ADAM22: variants seen among roughly 807,000 people sequenced by gnomAD.
ADAM22 encodes ADAM metallopeptidase domain 22, also known as disintegrin and metalloproteinase domain-containing protein 22.
A neutral mutation model predicts 144.6 loss-of-function variants in ADAM22; 65 were observed. The ratio of observed to expected loss-of-function variants is 0.45; its 90% CI spans 0.37 to 0.55. The LOEUF (loss-of-function observed/expected upper bound fraction) is 0.55. Among genes scored for constraint, ADAM22 ranks in the 20% least tolerant of loss-of-function variants. The pLI is 0.00. For missense variants in ADAM22, 974 were observed against 1,184.9 expected (o/e 0.82, Z 2.61); for synonymous variants, 391 against 412.6 (o/e 0.95, Z 0.63).
intron 3 of ADAM22, among the ~76,000 whole-genome samples, chr7:88,045,308 G>C (rs372260941): frequency 1.3e-5 from 2 of 152,216 alleles, no homozygotes; most frequent in East Asian, 3.9e-4. Flanking sequence ...TTGAGCCACC[G>C]CACCAGGCCT....
At chr7:87,975,071 G>T (rs887046436) in intron 2 of ADAM22, among the ~76,000 whole-genome samples, 1 of 152,060 alleles carries the variant, frequency 6.6e-6, no homozygotes, top group Non-Finnish European at 1.5e-5. Flanking sequence ...TAACATGTTC[G>T]TAGGTTCTGG....
At chr7:88,119,131 G>A (rs1385270109) in intron 7 of ADAM22, among the ~76,000 whole-genome samples, 2 of 152,146 alleles carry the variant, frequency 1.3e-5, no homozygotes, top group Non-Finnish European at 2.9e-5. Flanking sequence ...CAGGACTAGT[G>A]TTTCTGAGAA....
At chr7:88,083,581 TTGTGTTTG>T (rs1193796665) in intron 4 of ADAM22, among the ~76,000 whole-genome samples, 1 of 125,272 alleles carries the variant, frequency 8.0e-6, no homozygotes, top group African/African-American at 3.2e-5. Context: ...TCTTTTTACT[TTGTGTTTG>T]TGTGTGTGTG....
chr7:88,191,243 C>T (rs1470329114), intron 30 of ADAM22, among the ~76,000 whole-genome samples: 2 of 152,220 alleles, frequency 1.3e-5, no homozygotes, highest in African/African-American at 2.4e-5. Context: ...CTTCAGCACC[C>T]CTCATTGGAA....
chr7:88,129,209 A>G (rs1324604968), intron 9 of ADAM22, among the ~76,000 whole-genome samples: 1 of 151,976 alleles, frequency 6.6e-6, no homozygotes, highest in Admixed American at 6.6e-5. Flanking sequence ...AATTATTTTG[A>G]CCCATAGTGT....
intron 3 of ADAM22, among the ~76,000 whole-genome samples, chr7:88,058,099 A>G (rs891475835): frequency 1.3e-5 from 2 of 152,228 alleles, no homozygotes; most frequent in Non-Finnish European, 2.9e-5. Flanking sequence ...AACAGATGGG[A>G]GACATCAATA....
rs1185348776 is a variant in ADAM22, at chr7:88,131,280, C to G, written c.837C>G (p.Asp279Glu). ...TATTAATATACTAGATATATAAAGACCAACTTAAGACCAGGATAGTATTGG... is the reference window on the plus strand; with the variant it reads ...TATTAATATACTAGATATATAAAGAGCAACTTAAGACCAGGATAGTATTGG... ...VVNMADLIYK[D>E]QLKTRIVLVA... The change falls in exon 11 of 32, where the codon GAC becomes GAG. Residue 279 changes from aspartate (D) to glutamate (E), a missense_variant. Transcript: ENST00000413139. 1.2e-6 allele frequency: 2 copies of G among 1,613,058 alleles called. No homozygotes were observed. Among genetic ancestry groups the G allele is most frequent in the African/African-American group, 1.3e-5 (1 of 74,854 alleles).
At chr7:88,140,148 A>G (rs1416675956) in intron 14 of ADAM22, among the ~76,000 whole-genome samples, 1 of 152,130 alleles carries the variant, frequency 6.6e-6, no homozygotes, top group East Asian at 1.9e-4. Flanking sequence ...ACTTATTACC[A>G]GCCATTTCCT....
chr7:87,993,704 A>C (rs1790438952), intron 3 of ADAM22, among the ~76,000 whole-genome samples: 1 of 152,206 alleles, frequency 6.6e-6, no homozygotes, highest in African/African-American at 2.4e-5. Context: ...CAATCCATGA[A>C]GATAAATTGG....
chr7:88,079,495 A>G (rs1363504068), intron 4 of ADAM22, among the ~76,000 whole-genome samples: 2 of 152,218 alleles, frequency 1.3e-5, no homozygotes, highest in East Asian at 3.8e-4. Context: ...CACACATAAC[A>G]ATACTAACCT....
chr7:88,189,024 C>T (rs1848983162), intron 30 of ADAM22, among the ~76,000 whole-genome samples: 1 of 152,184 alleles, frequency 6.6e-6, no homozygotes, highest in East Asian at 1.9e-4. Flanking sequence ...CTGCAGCAAA[C>T]TGGTTCAAAA....
chr7:88,015,762 T>C (rs1441384713), intron 3 of ADAM22, among the ~76,000 whole-genome samples: 4 of 152,214 alleles, frequency 2.6e-5, no homozygotes, highest in Admixed American at 6.5e-5. Flanking sequence ...ATATTGTTCT[T>C]TTATTACTAA....
At chr7:87,982,068 T>TATACACAC (rs1244517564) in intron 3 of ADAM22, among the ~76,000 whole-genome samples, 34 of 93,742 alleles carry the variant, frequency 3.6e-4, no homozygotes, top group South Asian at 9.5e-4. Context: ...TATATATATA[T>TATACACAC]ACACACACAC....
chr7:88,095,896 A>AT (rs1372446774), intron 4 of ADAM22, among the ~76,000 whole-genome samples: 2 of 151,676 alleles, frequency 1.3e-5, no homozygotes, highest in Non-Finnish European at 2.9e-5. Flanking sequence ...TCTTGTTAGA[A>AT]TTTTTTGTAA....
intron 13 of ADAM22, among the ~76,000 whole-genome samples, chr7:88,134,799 TAG>T (rs968961888): frequency 6.6e-6 from 1 of 152,006 alleles, no homozygotes; most frequent in African/African-American, 2.4e-5. Context: ...GCCACAGAGG[TAG>T]AGTTTCCCTG....
At chr7:87,952,537 G>C (rs1012647787) in intron 2 of ADAM22, among the ~76,000 whole-genome samples, 4 of 151,740 alleles carry the variant, frequency 2.6e-5, no homozygotes, top group Non-Finnish European at 4.4e-5. Context: ...TGCTGGATTC[G>C]GTTTGCCAGT....
At chr7:88,182,954 G>A (rs1049718577) in intron 29 of ADAM22, among the ~76,000 whole-genome samples, 1 of 152,092 alleles carries the variant, frequency 6.6e-6, no homozygotes, top group Non-Finnish European at 1.5e-5. Flanking sequence ...CTGAATAGCA[G>A]GTATTTGTTA....
intron 3 of ADAM22, among the ~76,000 whole-genome samples, chr7:88,009,110 T>G (rs1794736261): frequency 6.6e-6 from 1 of 152,118 alleles, no homozygotes; most frequent in Admixed American, 6.5e-5. Context: ...ACCTCTGTCA[T>G]AGTGCAGTCT....
intron 3 of ADAM22, among the ~76,000 whole-genome samples, chr7:87,986,881 T>C (rs1233547875): frequency 6.6e-6 from 1 of 152,212 alleles, no homozygotes; most frequent in African/African-American, 2.4e-5. Flanking sequence ...TTATTTAATA[T>C]AACTTAGACA....
Sources: gnomAD v4.1 joint callset for allele counts (sites outside exome capture counted in the v4.1 genomes callset) on GRCh38, gnomAD v4.1.1 for gene constraint, MANE v1.5 for transcripts, NCBI Gene and HGNC (gene_info 2026-07-23, HGNC 2026-07-21) for gene names.